The following ACVR2A variants were observed in gnomAD, a reference collection of about 807,000 sequenced individuals.
ACVR2A encodes activin A receptor type 2A.
In ACVR2A, 7 loss-of-function variants were observed where a neutral mutation model predicts 61.4. That is an observed-to-expected ratio of 0.11 (90% CI 0.06 to 0.21). ACVR2A has a LOEUF of 0.21. ACVR2A is among the 10% of genes least tolerant of loss of function. ACVR2A has a pLI of 1.00. For missense variants in ACVR2A, 322 were observed against 621.7 expected, an observed-to-expected ratio of 0.52 and a Z score of 5.13; for synonymous variants, 193 against 208.3, an observed-to-expected ratio of 0.93 and a Z score of 0.63.
intron 1 of ACVR2A, among the ~76,000 whole-genome samples, chr2:147,881,482 A>T (rs560938243): frequency 4.0e-5 from 6 of 149,078 alleles, no homozygotes; most frequent in African/African-American, 1.5e-4. Context: ...TGTGACTTGA[A>T]TTTTTTTTTT....
chr2:147,913,151 A>T (rs1483054678), intron 4 of ACVR2A, among the ~76,000 whole-genome samples: 1 of 151,892 alleles, frequency 6.6e-6, no homozygotes, highest in East Asian at 1.9e-4. Context: ...TGTTATACTA[A>T]AATCATAGTT....
intron 1 of ACVR2A, among the ~76,000 whole-genome samples, chr2:147,888,704 T>C (rs1686504152): frequency 6.6e-6 from 1 of 151,688 alleles, no homozygotes; most frequent in South Asian, 2.1e-4. Context: ...TTTTAAAGAT[T>C]CCTTCGGAAT....
At position 147,913,933 on chromosome 2, in the gene ACVR2A, A is replaced by G. The variant is rs1310747627; in HGVS notation, c.529-1258A>G. 4.0e-5 allele frequency among the ~76,000 whole-genome samples: 6 copies of G among 150,560 alleles called. No individual in the cohort carries two copies. In the East Asian group the frequency reaches 1.2e-3, roughly 30 times the overall value. ...GGAATTCTAAAGCCATTTTATAAAG[A>G]TGGTTTCATTTAGAAGAAGAAATTG... On this transcript the variant is annotated intron_variant, in intron 4 of 10. Coordinates refer to ENST00000241416, the MANE Select transcript of ACVR2A (RefSeq NM_001616.5).
chr2:147,849,808 A>G (rs1341450593), intron 1 of ACVR2A, among the ~76,000 whole-genome samples: 1 of 152,146 alleles, frequency 6.6e-6, no homozygotes, highest in Admixed American at 6.6e-5. Context: ...TGATACTGAC[A>G]TTTTCGCCTT....
At chr2:147,887,190 C>A (rs1446205938) in intron 1 of ACVR2A, among the ~76,000 whole-genome samples, 2 of 149,510 alleles carry the variant, frequency 1.3e-5, no homozygotes, top group African/African-American at 5.0e-5. Flanking sequence ...CCAGCCTAGG[C>A]TATAGAGCGA....
chr2:147,891,017 T>C (rs993416967), intron 1 of ACVR2A, among the ~76,000 whole-genome samples: 1 of 152,178 alleles, frequency 6.6e-6, no homozygotes, highest in Non-Finnish European at 1.5e-5. Flanking sequence ...GGAAATATCT[T>C]TTTAATAAAT....
intron 10 of ACVR2A, 112 bp downstream of exon 10, chr2:147,926,273 C>T (rs1687497810): frequency 1.5e-6 from 2 of 1,335,234 alleles, no homozygotes; most frequent in Non-Finnish European, 2.1e-6. Flanking sequence ...GGAAGGTGAT[C>T]TTCACACAGG....
chr2:147,924,577 C>A (rs78361201), intron 9 of ACVR2A, among the ~76,000 whole-genome samples: 63 of 151,962 alleles, frequency 4.1e-4, no homozygotes, highest in African/African-American at 1.5e-3. Flanking sequence ...TCTTAAATGC[C>A]ATGAAATAAT....
At chr2:147,918,710 A>G in intron 7 of ACVR2A, 118 bp downstream of exon 7, 2 of 861,026 alleles carry the variant, frequency 2.3e-6, no homozygotes, top group East Asian at 3.0e-5. Flanking sequence ...CAAGACAGTC[A>G]GTTTTCATTT....
Sources: allele counts gnomAD v4.1 joint callset (sites outside exome capture counted in the v4.1 genomes callset), GRCh38; gene constraint gnomAD v4.1.1; transcripts MANE v1.5; gene names NCBI Gene and HGNC (gene_info 2026-07-23, HGNC 2026-07-21).